PCDHA3: variants seen among roughly 807,000 people sequenced by gnomAD.
PCDHA3 encodes protocadherin alpha-3.
A neutral mutation model predicts 62.2 loss-of-function variants in PCDHA3; 41 were observed. The observed-to-expected ratio is 0.66, with a 90% confidence interval of 0.51 to 0.86. The LOEUF (loss-of-function observed/expected upper bound fraction) is 0.86, where lower values mean the gene tolerates loss of function less well. PCDHA3 is among the 40% of genes least tolerant of loss of function. The pLI, the probability that PCDHA3 is intolerant of heterozygous loss-of-function variation, is 0.00. For missense variants in PCDHA3, 1,304 were observed against 1,241.2 expected (o/e 1.05, Z -0.76); for synonymous variants, 640 against 555.4 (o/e 1.15, Z -2.14).
chr5:140,884,484 T>C, intron 1 of PCDHA3: 2 of 1,613,922 alleles, frequency 1.2e-6, no homozygotes, highest in Non-Finnish European at 1.7e-6. Context: ...AAGCCCACTC[T>C]AGTGTGCTCC....
chr5:140,975,127 T>C (rs1331047394), intron 1 of PCDHA3, among the ~76,000 whole-genome samples: 2 of 152,288 alleles, frequency 1.3e-5, no homozygotes, highest in East Asian at 1.9e-4. Flanking sequence ...CTACTTACTA[T>C]TGGCCTGGGG....
intron 3 of PCDHA3, among the ~76,000 whole-genome samples, chr5:140,991,118 A>T (rs2153893669): frequency 6.6e-6 from 1 of 152,340 alleles, no homozygotes; most frequent in South Asian, 2.1e-4. Context: ...GCTTTCTTAC[A>T]TTCACACAGC....
At chr5:140,899,574 C>T (rs890849786) in intron 1 of PCDHA3, among the ~76,000 whole-genome samples, 2 of 152,112 alleles carry the variant, frequency 1.3e-5, no homozygotes, top group African/African-American at 4.8e-5. Context: ...CTGCTGGATT[C>T]GGTTTGCCAG....
intron 1 of PCDHA3, among the ~76,000 whole-genome samples, chr5:140,937,039 CTTTT>C (rs34994034): frequency 1.4e-5 from 2 of 140,156 alleles, no homozygotes; most frequent in African/African-American, 2.6e-5. Flanking sequence ...TTCCATTTAT[CTTTT>C]TTTTTTTTTT....
chr5:140,981,026 A>T (rs1300851844), intron 2 of PCDHA3, among the ~76,000 whole-genome samples: 3 of 152,088 alleles, frequency 2.0e-5, no homozygotes, highest in Admixed American at 6.5e-5. Flanking sequence ...GGCTGTTAAT[A>T]TTTGGGGAAA....
chr5:140,884,577 T>G, intron 1 of PCDHA3: 1 of 1,614,230 alleles, frequency 6.2e-7, no homozygotes, highest in Non-Finnish European at 8.5e-7. Context: ...ACGGACCTCA[T>G]GGCCTTCAGT....
intron 1 of PCDHA3, among the ~76,000 whole-genome samples, chr5:140,963,050 G>A (rs2095732681): frequency 6.6e-6 from 1 of 152,030 alleles, no homozygotes; most frequent in African/African-American, 2.4e-5. Flanking sequence ...AGTCTATAAG[G>A]GTTTCTACAT....
At chr5:140,981,828 A>C (rs2096952526) in intron 2 of PCDHA3, among the ~76,000 whole-genome samples, 1 of 152,060 alleles carries the variant, frequency 6.6e-6, no homozygotes, top group Non-Finnish European at 1.5e-5. Context: ...GCTTGCCTCT[A>C]AAGGTCTCCC....
intron 1 of PCDHA3, among the ~76,000 whole-genome samples, chr5:140,837,930 T>G (rs1775322369): frequency 6.6e-6 from 1 of 151,780 alleles, no homozygotes. Flanking sequence ...CCTCCTACCT[T>G]GGCCTCCCAA....
rs1367500775 is a variant in PCDHA3, at chr5:140,929,192, A to G, written c.2395-49757A>G. ...TCTCTGGGACTTGGTTCTGATAATA[A>G]CAGTTTGCTGTTGCGTGGGGAGTAC... On this transcript the variant is annotated intron_variant, in intron 1 of 3. Transcript: ENST00000522353. The G allele has an allele frequency of 8.1e-6, 13 of 1,614,124 alleles. 1 individual carries two copies. The highest frequency in any genetic ancestry group is 1.0e-5 in the Non-Finnish European group (12 of 1,180,018).
intron 1 of PCDHA3, chr5:140,857,484 G>T (rs1044921765): frequency 6.3e-7 from 1 of 1,598,534 alleles, no homozygotes; most frequent in Admixed American, 1.7e-5. Context: ...GTGTCTGCGT[G>T]GGACGCGGAC....
intron 1 of PCDHA3, chr5:140,823,508 A>T: frequency 6.2e-7 from 1 of 1,613,314 alleles, no homozygotes. Context: ...GCAGTGAGCG[A>T]GCTGGTGCCG....
chr5:140,850,931 T>C, intron 1 of PCDHA3: 1 of 1,516,410 alleles, frequency 6.6e-7, no homozygotes, highest in Non-Finnish European at 8.9e-7. Flanking sequence ...TAATTTTTTT[T>C]CTTGAAAGAT....
At chr5:140,808,515 T>G (rs548657178) in intron 1 of PCDHA3, 3 of 1,614,118 alleles carry the variant, frequency 1.9e-6, no homozygotes, top group Admixed American at 3.3e-5. Context: ...AGTGTTTCTG[T>G]GGAGGTGGCT....
intron 1 of PCDHA3, chr5:140,848,723 G>T (rs2150418763): frequency 6.3e-7 from 1 of 1,592,604 alleles, no homozygotes; most frequent in South Asian, 1.1e-5. Context: ...ACCTTCTGGA[G>T]GTAAATCTGC....
In PCDHA3 at chr5:140,882,341, G is replaced by A. The variant is rs782271839; in HGVS notation, c.2394+78750G>A. 5.6e-6 allele frequency: 9 copies of A among 1,614,058 alleles called. No individual in the cohort carries two copies. The Admixed American group carries it at 1.3e-4, about 24-fold the overall frequency. ...CTGGCTTCTGATCCTCGCAGCCTGGGAGACGGGTAGTGGCCAGCTCCACTA... is the reference window on the plus strand; with the variant it reads ...CTGGCTTCTGATCCTCGCAGCCTGGAAGACGGGTAGTGGCCAGCTCCACTA... On this transcript the variant is annotated intron_variant, in intron 1 of 3. Coordinates refer to ENST00000522353, the MANE Select transcript of PCDHA3 (RefSeq NM_018906.3).
intron 1 of PCDHA3, among the ~76,000 whole-genome samples, chr5:140,942,542 G>C (rs1023135030): frequency 6.6e-5 from 10 of 152,046 alleles, no homozygotes; most frequent in African/African-American, 2.4e-4. Flanking sequence ...AGTATGGTGG[G>C]GGGTAGGGGG....
At chr5:140,936,863 A>G (rs1177234152) in intron 1 of PCDHA3, among the ~76,000 whole-genome samples, 1 of 152,120 alleles carries the variant, frequency 6.6e-6, no homozygotes, top group East Asian at 1.9e-4. Context: ...CTCAGTTTCT[A>G]TTTTAAAAAA....
At position 140,845,457 on chromosome 5, in the gene PCDHA3, T is replaced by C. The variant is rs1172652136; in HGVS notation, c.2394+41866T>C. 2.0e-5 allele frequency among the ~76,000 whole-genome samples: 3 copies of C among 149,680 alleles called. 1 individual carries two copies. The highest frequency in any genetic ancestry group is 4.5e-5 in the Non-Finnish European group (3 of 66,882). ...TTAGTTCTGTTTTTCTTCAACTCTC[T>C]GATATTTGAATTTGGGGTTGTGCTT... On this transcript the variant is annotated intron_variant, in intron 1 of 3. Coordinates refer to ENST00000522353, the MANE Select transcript of PCDHA3 (RefSeq NM_018906.3).
Sources: gnomAD v4.1 joint callset for allele counts (sites outside exome capture counted in the v4.1 genomes callset) on GRCh38, gnomAD v4.1.1 for gene constraint, MANE v1.5 for transcripts, NCBI Gene and HGNC (gene_info 2026-07-23, HGNC 2026-07-21) for gene names.